PDE4DIP: variants seen among roughly 807,000 people sequenced by gnomAD.
PDE4DIP encodes the protein phosphodiesterase 4D interacting protein.
PDE4DIP carries 59 observed loss-of-function variants against 221.4 expected under a neutral mutation model. That is an observed-to-expected ratio of 0.27 (90% CI 0.22 to 0.33). The LOEUF (loss-of-function observed/expected upper bound fraction) is 0.33. PDE4DIP is among the 10% of genes least tolerant of loss of function. The pLI is 1.00. For missense variants in PDE4DIP, 1,036 were observed against 2,154.2 expected, an observed-to-expected ratio of 0.48 and a Z score of 10.28; for synonymous variants, 404 against 815.9, an observed-to-expected ratio of 0.50 and a Z score of 8.60.
intron 1 of PDE4DIP, among the ~76,000 whole-genome samples, chr1:148,843,311 G>A (rs1553379178): frequency 8.6e-5 from 1 of 11,632 alleles, no homozygotes. Flanking sequence ...TTCTTCCTGA[G>A]TTAAATGCCT....
chr1:148,934,988 C>T lies in PDE4DIP; in HGVS notation c.518+2700C>T, dbSNP rs1293078825. 2.0e-5 allele frequency among the ~76,000 whole-genome samples: 3 copies of T among 152,070 alleles called. No homozygotes were observed. The East Asian group carries it at 5.9e-4, about 30-fold the overall frequency. ...CCTGTAATCCTAGCACTTTGGGAGG[C>T]CGAGGCGGGCGGATCACGAGATTAA... On this transcript the variant is annotated intron_variant, in intron 4 of 43. Transcript: ENST00000369354.
At chr1:148,846,380 T>C (rs1450505580) in intron 1 of PDE4DIP, among the ~76,000 whole-genome samples, 2 of 58,386 alleles carry the variant, frequency 3.4e-5, no homozygotes, top group African/African-American at 6.6e-5. Flanking sequence ...GGAGGAGAAG[T>C]TTGTGGTGAG....
At chr1:148,844,311 G>A (rs1272433719) in intron 1 of PDE4DIP, 117 bp from the exon 1 acceptor site, 8 of 657,816 alleles carry the variant, frequency 1.2e-5, no homozygotes, top group Non-Finnish European at 1.6e-5. Flanking sequence ...GGAGACGCGA[G>A]GGTGGTTCAG....
At chr1:148,986,767 C>T (rs1482962490) in intron 21 of PDE4DIP, among the ~76,000 whole-genome samples, 1 of 152,158 alleles carries the variant, frequency 6.6e-6, no homozygotes, top group Non-Finnish European at 1.5e-5. Context: ...GCAGAAAGCA[C>T]GACAGAGGTT....
At chr1:149,017,680 C>T in intron 33 of PDE4DIP, 68 bp from the exon 37 acceptor site, 1 of 953,532 alleles carries the variant, frequency 1.0e-6, no homozygotes, top group Non-Finnish European at 1.6e-6. Flanking sequence ...TAGCCGAGCC[C>T]CACCCCCATC....
intron 22 of PDE4DIP, among the ~76,000 whole-genome samples, chr1:148,997,357 A>G: frequency 6.8e-6 from 1 of 147,108 alleles, no homozygotes; most frequent in Middle Eastern, 3.2e-3. Flanking sequence ...AATAACTTCA[A>G]GAGTGTCCTC....
At chr1:148,885,465 G>A (rs2985353), upstream of PDE4DIP, among the ~76,000 whole-genome samples, 204 of 145,886 alleles carry the variant, frequency 1.4e-3, no homozygotes, top group Middle Eastern at 0.015. Flanking sequence ...GAGAACAGAG[G>A]GAGAGTGGTA....
intron 2 of PDE4DIP, chr1:148,931,435 CAAAT>C (rs587664258): frequency 1.4e-3 from 225 of 162,996 alleles, no homozygotes; most frequent in African/African-American, 3.7e-3. Context: ...CAATGAAAAA[CAAAT>C]AACCCCATTA....
intron 1 of PDE4DIP, among the ~76,000 whole-genome samples, chr1:148,907,070 A>G: frequency 6.6e-6 from 1 of 151,136 alleles, no homozygotes; most frequent in East Asian, 1.9e-4. Context: ...AAAAAAACAA[A>G]AAAACAATAG....
intron 1 of PDE4DIP, among the ~76,000 whole-genome samples, chr1:148,925,759 T>C (rs1553465369): frequency 2.0e-5 from 3 of 147,962 alleles, no homozygotes; most frequent in Non-Finnish European, 4.5e-5. Flanking sequence ...CCTCACAGAA[T>C]CCCTCGTGAA....
intron 23 of PDE4DIP, among the ~76,000 whole-genome samples, chr1:148,998,658 C>T (rs1364810443): frequency 4.1e-5 from 6 of 147,708 alleles, no homozygotes; most frequent in African/African-American, 1.5e-4. Flanking sequence ...TTGACCAAAA[C>T]GTATAAGGAA....
At chr1:148,986,954 A>G (rs2062017956) in intron 21 of PDE4DIP, among the ~76,000 whole-genome samples, 1 of 152,196 alleles carries the variant, frequency 6.6e-6, no homozygotes, top group Admixed American at 6.5e-5. Flanking sequence ...TGGGAGTCCT[A>G]ATTTACATGT....
At chr1:148,963,700 T>G (rs1574419025) in intron 9 of PDE4DIP, among the ~76,000 whole-genome samples, 1 of 150,674 alleles carries the variant, frequency 6.6e-6, no homozygotes, top group South Asian at 2.1e-4. Context: ...AATATACGAT[T>G]CTTTTCTTTT....
chr1:148,935,100 G>C lies in PDE4DIP; in HGVS notation c.519-2647G>C, dbSNP rs587672269. Among the ~76,000 whole-genome samples the C allele has an allele frequency of 1.5e-3, 227 of 152,140 alleles. 1 individual carries two copies. Among genetic ancestry groups the C allele is most frequent in the African/African-American group, 5.2e-3 (217 of 41,548 alleles). On this transcript the variant is annotated intron_variant, in intron 4 of 43. Transcript: ENST00000369354. ...ATGGTGGCGCATGCCTGTAGTCCCA[G>C]CTACTCGGGAGGCTGAGGCAGGAGA...
intron 37 of PDE4DIP, among the ~76,000 whole-genome samples, chr1:149,023,815 T>C (rs1349341718): frequency 2.1e-5 from 3 of 145,366 alleles, no homozygotes; most frequent in Non-Finnish European, 4.5e-5. Context: ...TGCACATATA[T>C]ATGTACATGT....
At chr1:148,978,212 G>A (rs1356835015) in intron 18 of PDE4DIP, 66 bp from the exon 22 acceptor site, 14 of 1,400,484 alleles carry the variant, frequency 1.0e-5, no homozygotes, top group South Asian at 2.4e-5. Flanking sequence ...ATTTGTTCCC[G>A]TGCTACTCTG....
chr1:148,935,147 G>T (rs2048953023), intron 4 of PDE4DIP, among the ~76,000 whole-genome samples: 1 of 151,990 alleles, frequency 6.6e-6, no homozygotes. Flanking sequence ...CAGGGAGGTG[G>T]AGGTTGCAGT....
intron 37 of PDE4DIP, chr1:149,021,403 G>A: frequency 2.2e-6 from 1 of 444,822 alleles, no homozygotes; most frequent in Non-Finnish European, 4.0e-6. Flanking sequence ...TCCTATCAAT[G>A]TCTAGATTGT....
Position 148,923,694 on chromosome 1 carries a change from C to T in PDE4DIP, c.142-5503C>T, listed in dbSNP as rs1271721372. ...TTCACCGTGTTAGGCAGGATGGTCT[C>T]GATCTCCCGACCTCGTGATCTGCCC... On this transcript the variant is annotated intron_variant, in intron 1 of 43. Transcript: ENST00000369354. Among the ~76,000 whole-genome samples the T allele has an allele frequency of 4.8e-5, 7 of 144,748 alleles. 1 individual carries two copies. The highest frequency in any genetic ancestry group is 7.6e-5 in the Non-Finnish European group (5 of 66,104). The allele number at this position is 144,748 out of a possible 152,430, so 95.0% of individuals were successfully genotyped here.
Sources: gnomAD v4.1 joint callset for allele counts (sites outside exome capture counted in the v4.1 genomes callset) on GRCh38, gnomAD v4.1.1 for gene constraint, MANE v1.5 for transcripts, NCBI Gene and HGNC (gene_info 2026-07-23, HGNC 2026-07-21) for gene names.